The following EIF4G3 variants were observed in gnomAD, a reference collection of about 807,000 sequenced individuals.
The protein encoded by EIF4G3 is eukaryotic translation initiation factor 4 gamma 3.
In EIF4G3, 34 loss-of-function variants were observed where a neutral mutation model predicts 186.4. The ratio of observed to expected loss-of-function variants is 0.18; its 90% CI spans 0.14 to 0.24. The LOEUF (loss-of-function observed/expected upper bound fraction) is 0.24, where lower values mean the gene tolerates loss of function less well. Ranked by LOEUF, EIF4G3 falls within the 10% of genes least tolerant of loss-of-function variation. The pLI, the probability that EIF4G3 is intolerant of heterozygous loss-of-function variation, is 1.00. For missense variants in EIF4G3, 1,536 were observed against 1,948.5 expected (o/e 0.79, Z 3.99); for synonymous variants, 673 against 679.5 (o/e 0.99, Z 0.15).
intron 29 of EIF4G3, chr1:20,847,871 T>C (rs1339438927): frequency 4.2e-6 from 2 of 471,298 alleles, no homozygotes; most frequent in South Asian, 1.6e-5. Context: ...TTTCAGAGGC[T>C]TGAAGGCTTT....
At chr1:21,003,554 ATCCCAGAACTTTC>A in intron 4 of EIF4G3, 1 of 262,430 alleles carries the variant, frequency 3.8e-6, no homozygotes, top group Non-Finnish European at 7.7e-6. Flanking sequence ...TAGAAAAAGA[ATCCCAGAACTTTC>A]CCTCCTATGT....
chr1:20,914,602 T>C (rs1378741677), intron 14 of EIF4G3, among the ~76,000 whole-genome samples: 5 of 152,212 alleles, frequency 3.3e-5, no homozygotes, highest in African/African-American at 7.2e-5. Flanking sequence ...ATAATTAATG[T>C]GTATTGTTTA....
intron 18 of EIF4G3, among the ~76,000 whole-genome samples, 192 bp from the exon 19 acceptor site, chr1:20,886,563 C>T (rs1054064007): frequency 6.6e-6 from 1 of 152,104 alleles, no homozygotes; most frequent in Non-Finnish European, 1.5e-5. Flanking sequence ...TAATGTTCTC[C>T]ACCACTACAA....
intron 14 of EIF4G3, among the ~76,000 whole-genome samples, chr1:20,922,459 G>A (rs1271401309): frequency 3.3e-5 from 5 of 152,008 alleles, no homozygotes; most frequent in East Asian, 1.9e-4. Context: ...CACCACGCCC[G>A]GTTGATTTTG....
chr1:21,175,234 T>C (rs928558230), intron 2 of EIF4G3: 5 of 152,198 alleles, frequency 3.3e-5, no homozygotes, highest in African/African-American at 9.7e-5. Flanking sequence ...GTGGAATACA[T>C]GAATTCAACG....
chr1:21,058,418 C>T (rs531981970), intron 3 of EIF4G3, among the ~76,000 whole-genome samples: 7 of 152,298 alleles, frequency 4.6e-5, no homozygotes, highest in South Asian at 2.1e-4. Context: ...TTCCCATACA[C>T]ACTACAAGCC....
At chr1:21,063,563 A>G (rs550154144) in intron 3 of EIF4G3, among the ~76,000 whole-genome samples, 170 of 152,278 alleles carry the variant, frequency 1.1e-3, no homozygotes, top group African/African-American at 3.8e-3. Context: ...AAGTAAAGAA[A>G]GCAGGACAGA....
At chr1:20,901,818 A>G (rs1002623840) in intron 15 of EIF4G3, among the ~76,000 whole-genome samples, 1 of 152,208 alleles carries the variant, frequency 6.6e-6, no homozygotes, top group Non-Finnish European at 1.5e-5. Context: ...GCAGAAACAG[A>G]TTTAAGAAAG....
rs1211800049 is a variant in EIF4G3 at position 21,034,830 on chromosome 1, T to C, written c.-67+16036A>G. ...GATCGTGTCCCCAGGATCTGCCCCA[T>C]GTCAGGGTGTCTGCTGAGCCTGGCA... is the stretch of plus-strand genomic sequence containing the variant. On this transcript the variant is annotated intron_variant, in intron 4 of 36. Transcript: ENST00000602326. Among the ~76,000 whole-genome samples, 4 of 152,144 alleles carry C rather than the reference T, an allele frequency of 2.6e-5. No individual in the cohort carries two copies. In the East Asian group the frequency reaches 5.8e-4, roughly 22 times the overall value.
intron 20 of EIF4G3, among the ~76,000 whole-genome samples, 173 bp downstream of exon 20, chr1:20,879,150 A>G (rs958329188): frequency 1.3e-5 from 2 of 152,162 alleles, no homozygotes; most frequent in African/African-American, 4.8e-5. Context: ...AGAGGGGAGT[A>G]TACGTTTTAA....
At chr1:20,883,163 A>G (rs1028690529) in intron 19 of EIF4G3, among the ~76,000 whole-genome samples, 13 of 152,214 alleles carry the variant, frequency 8.5e-5, no homozygotes, top group Non-Finnish European at 1.6e-4. Context: ...ATGAAGCACG[A>G]AACACAGTTA....
intron 3 of EIF4G3, among the ~76,000 whole-genome samples, chr1:21,056,604 T>C (rs903813189): frequency 1.3e-5 from 2 of 152,172 alleles, no homozygotes; most frequent in African/African-American, 4.8e-5. Flanking sequence ...TCTTGCAAAA[T>C]ATTCCTAAAT....
intron 11 of EIF4G3, among the ~76,000 whole-genome samples, chr1:20,971,620 G>C (rs1004739798): frequency 6.6e-6 from 1 of 152,132 alleles, no homozygotes; most frequent in African/African-American, 2.4e-5. Flanking sequence ...TTAAACCAAA[G>C]TCTTGAACCT....
chr1:21,049,061 A>T (rs1225195015), intron 4 of EIF4G3, among the ~76,000 whole-genome samples: 1 of 152,158 alleles, frequency 6.6e-6, no homozygotes, highest in Non-Finnish European at 1.5e-5. Context: ...GATCCAGTGG[A>T]TCTAATGTTT....
chr1:20,943,974 TTGTGTGTGTGTGTG>T (rs1163268356), intron 13 of EIF4G3, among the ~76,000 whole-genome samples: 8 of 62,538 alleles, frequency 1.3e-4, no homozygotes, highest in Admixed American at 3.1e-4. Context: ...TTTATTTTTT[TTGTGTGTGTGTGTG>T]TGTGTGTGTG....
intron 2 of EIF4G3, among the ~76,000 whole-genome samples, chr1:21,157,445 C>T (rs2097683948): frequency 6.6e-6 from 1 of 151,906 alleles, no homozygotes; most frequent in African/African-American, 2.4e-5. Context: ...GATCACAACT[C>T]ACTGCAGCTT....
intron 14 of EIF4G3, among the ~76,000 whole-genome samples, chr1:20,929,068 T>C (rs2095138925): frequency 6.6e-6 from 1 of 152,248 alleles, no homozygotes; most frequent in African/African-American, 2.4e-5. Flanking sequence ...TCATTCCTTA[T>C]CATGGTCCGA....
intron 4 of EIF4G3, among the ~76,000 whole-genome samples, chr1:21,042,400 A>C (rs1381812009): frequency 6.6e-6 from 1 of 152,214 alleles, no homozygotes; most frequent in African/African-American, 2.4e-5. Context: ...TTCATTGAGA[A>C]AATTTAAAAT....
chr1:21,110,970 A>T (rs1303330202), intron 2 of EIF4G3, among the ~76,000 whole-genome samples: 1 of 152,228 alleles, frequency 6.6e-6, no homozygotes, highest in African/African-American at 2.4e-5. Context: ...AAAACACTTG[A>T]CTTTCTCTGT....
Sources: gnomAD v4.1 joint callset for allele counts (sites outside exome capture counted in the v4.1 genomes callset) on GRCh38, gnomAD v4.1.1 for gene constraint, MANE v1.5 for transcripts, NCBI Gene and HGNC (gene_info 2026-07-23, HGNC 2026-07-21) for gene names.